Variants in SERPINI2 observed in about 807,000 individuals in gnomAD.
The protein encoded by SERPINI2 is serpin I2.
Under a neutral mutation model 47.3 loss-of-function variants are expected in SERPINI2, and 48 were observed. The observed-to-expected ratio is 1.02, with a 90% CI of 0.81 to 1.29. SERPINI2 has a LOEUF of 1.29. Ranked by LOEUF, SERPINI2 falls within the 50% of genes most tolerant of loss-of-function variation. The pLI, the probability that SERPINI2 is intolerant of heterozygous loss-of-function variation, is 0.00. For synonymous variants in SERPINI2, 135 were observed against 149.3 expected, an observed-to-expected ratio of 0.90 and a Z score of 0.70; for missense variants, 448 against 456.9, an observed-to-expected ratio of 0.98 and a Z score of 0.18.
rs780651251 is a variant in SERPINI2, at chr3:167,467,232, GT to G, written c.300del (p.Lys100AsnfsTer20). 5.6e-6 allele frequency: 9 copies of G among 1,612,702 alleles called. No homozygotes were observed. In the Admixed American group the frequency reaches 1.5e-4, roughly 27 times the overall value. On this transcript the variant is annotated frameshift_variant, in exon 3 of 9. Transcript: ENST00000264677. LOFTEE classifies it high-confidence loss of function. ...TTGGCAAGATTAAATGTAAATTCTT[GT>G]TTTTTCTCTGAGATGGCAGAGAAAA...
At chr3:167,460,620 A>G (rs1282042240) in intron 5 of SERPINI2, among the ~76,000 whole-genome samples, 7 of 152,196 alleles carry the variant, frequency 4.6e-5, no homozygotes, top group Non-Finnish European at 1.0e-4. Context: ...GAATTTAGAA[A>G]GAAAAAAATC....
intron 8 of SERPINI2, among the ~76,000 whole-genome samples, chr3:167,443,130 C>T (rs944572425): frequency 3.9e-5 from 6 of 152,276 alleles, no homozygotes; most frequent in Non-Finnish European, 7.4e-5. Flanking sequence ...TTTTCTGAGA[C>T]GGAGTCTCGC....
chr3:167,460,529 ATTAAT>A (rs1749953585), intron 5 of SERPINI2, among the ~76,000 whole-genome samples: 1 of 152,250 alleles, frequency 6.6e-6, no homozygotes, highest in Non-Finnish European at 1.5e-5. Flanking sequence ...ATCAGAAGAC[ATTAAT>A]TTAGTAAAAA....
intron 8 of SERPINI2, among the ~76,000 whole-genome samples, chr3:167,443,133 A>T (rs1749374877): frequency 6.6e-6 from 1 of 152,122 alleles, no homozygotes; most frequent in African/African-American, 2.4e-5. Flanking sequence ...TCTGAGACGG[A>T]GTCTCGCTCT....
At chr3:167,451,414 G>A (rs759613372) in intron 6 of SERPINI2, among the ~76,000 whole-genome samples, 1 of 152,190 alleles carries the variant, frequency 6.6e-6, no homozygotes, top group Non-Finnish European at 1.5e-5. Flanking sequence ...CTGCTTCATA[G>A]TAGCCTTTAG....
chr3:167,469,017 C>G (rs541544776), intron 2 of SERPINI2, among the ~76,000 whole-genome samples: 4 of 152,240 alleles, frequency 2.6e-5, no homozygotes, highest in African/African-American at 9.6e-5. Flanking sequence ...GTCTATGTGA[C>G]AAACAGCTGC....
At chr3:167,467,235 T>C in exon 3 of SERPINI2, 1 of 1,612,914 alleles carries the variant, frequency 6.2e-7, no homozygotes, top group Non-Finnish European at 8.5e-7. Flanking sequence ...AATTCTTGTT[T>C]TTTCTCTGAG....
chr3:167,446,655 G>A (rs977431371), intron 7 of SERPINI2, 174 bp from the exon 8 acceptor site: 4 of 421,856 alleles, frequency 9.5e-6, no homozygotes, highest in Non-Finnish European at 1.7e-5. Context: ...AAAAACCAAA[G>A]TACTGAAGAA....
intron 6 of SERPINI2, among the ~76,000 whole-genome samples, chr3:167,451,486 C>A (rs1017352864): frequency 6.6e-6 from 1 of 152,120 alleles, no homozygotes; most frequent in Non-Finnish European, 1.5e-5. Flanking sequence ...CTCCTAGCTA[C>A]CAGCAGGGGT....
intron 5 of SERPINI2, among the ~76,000 whole-genome samples, chr3:167,463,327 T>C (rs1432106689): frequency 1.3e-5 from 2 of 152,068 alleles, no homozygotes; most frequent in African/African-American, 4.8e-5. Context: ...AAGAATAATA[T>C]CAAGTAGAGA....
chr3:167,470,937 AATC>A (rs35628497), intron 2 of SERPINI2, among the ~76,000 whole-genome samples: 7,298 of 152,160 alleles, frequency 0.048, 204 homozygotes, highest in Non-Finnish European at 0.072. Flanking sequence ...CCAACAAAAC[AATC>A]ATCATTCACA....
At position 167,472,455 on chromosome 3, in the gene SERPINI2, G is replaced by A. The variant is rs571548347; in HGVS notation, c.-10-611C>T. ...AAATACAATGCAGAAAACCTGCAAA[G>A]TTTGAAACAAAATGGCAATCAAATA... On this transcript the variant is annotated intron_variant, in intron 1 of 8. Coordinates refer to ENST00000264677, the Ensembl canonical transcript of SERPINI2. Among the ~76,000 whole-genome samples the A allele has an allele frequency of 4.6e-5, 7 of 151,982 alleles. No individual in the cohort carries two copies. The East Asian group carries it at 9.7e-4, about 21-fold the overall frequency.
chr3:167,474,657 A>G (rs1750439393), upstream of SERPINI2, among the ~76,000 whole-genome samples: 1 of 151,738 alleles, frequency 6.6e-6, no homozygotes, highest in Admixed American at 6.6e-5. Flanking sequence ...TATCAGGACA[A>G]TACTATTAGC....
At chr3:167,464,524 T>C (rs1750077788) in intron 5 of SERPINI2, among the ~76,000 whole-genome samples, 2 of 152,138 alleles carry the variant, frequency 1.3e-5, no homozygotes. Context: ...AGTTGGGGCT[T>C]GATGAGTTTG....
At chr3:167,475,694 T>C (rs566356113), upstream of SERPINI2, among the ~76,000 whole-genome samples, 15 of 146,934 alleles carry the variant, frequency 1.0e-4, no homozygotes, top group Admixed American at 1.0e-3. Context: ...ACCGCTTTTT[T>C]CTACAATTCT....
exon 3 of SERPINI2, chr3:167,467,121 C>A: frequency 6.2e-7 from 1 of 1,613,508 alleles, no homozygotes; most frequent in Non-Finnish European, 8.5e-7. Flanking sequence ...TGAAAATCCA[C>A]CAGTTTTATA....
intron 2 of SERPINI2, 129 bp from the exon 3 acceptor site, chr3:167,467,414 T>G (rs929837951): frequency 1.7e-6 from 1 of 599,172 alleles, no homozygotes; most frequent in East Asian, 2.8e-5. Context: ...TAACAATCCC[T>G]TCAAAGTTAG....
upstream of SERPINI2, among the ~76,000 whole-genome samples, chr3:167,475,065 A>T (rs1750448618): frequency 6.6e-6 from 1 of 151,710 alleles, no homozygotes; most frequent in Non-Finnish European, 1.5e-5. Context: ...AGGCCTGAGA[A>T]TAGATCATTA....
chr3:167,448,714 GGGTTTCACCGT>G (rs1577167705), intron 7 of SERPINI2, among the ~76,000 whole-genome samples: 1 of 152,052 alleles, frequency 6.6e-6, no homozygotes, highest in East Asian at 1.9e-4. Flanking sequence ...AGTAGAGACG[GGGTTTCACCGT>G]GTTATCCAGG....
Sources: allele counts gnomAD v4.1 joint callset (sites outside exome capture counted in the v4.1 genomes callset), GRCh38; gene constraint gnomAD v4.1.1; transcripts MANE v1.5; gene names NCBI Gene and HGNC (gene_info 2026-07-23, HGNC 2026-07-21).